SGCD: variants seen among roughly 807,000 people sequenced by gnomAD.
SGCD encodes delta-sarcoglycan.
Under a neutral mutation model 36.6 loss-of-function variants are expected in SGCD, and 18 were observed. The observed-to-expected ratio is 0.49, with a 90% CI of 0.34 to 0.73. The LOEUF (loss-of-function observed/expected upper bound fraction) is 0.73, where lower values mean the gene tolerates loss of function less well. Ranked by LOEUF, SGCD falls within the 30% of genes least tolerant of loss-of-function variation. The pLI is 0.01. For missense variants in SGCD, 387 were observed against 346.7 expected (o/e 1.12, Z -0.92); for synonymous variants, 133 against 130.6 (o/e 1.02, Z -0.12).
chr5:156,733,618 TATAGTA>T (rs1756194134), intron 7 of SGCD, among the ~76,000 whole-genome samples: 1 of 152,170 alleles, frequency 6.6e-6, no homozygotes, highest in Non-Finnish European at 1.5e-5. Flanking sequence ...CTCCCACTAA[TATAGTA>T]TAGGAGTCTG....
intron 3 of SGCD, among the ~76,000 whole-genome samples, chr5:156,265,422 T>G (rs1409299521): frequency 6.6e-6 from 1 of 152,074 alleles, no homozygotes; most frequent in Non-Finnish European, 1.5e-5. Flanking sequence ...TAAATGCAAT[T>G]GATCCTCATT....
intron 6 of SGCD, among the ~76,000 whole-genome samples, chr5:156,629,492 A>C (rs538351260): frequency 1.5e-4 from 23 of 152,248 alleles, no homozygotes; most frequent in Non-Finnish European, 2.6e-4. Context: ...AGAACATGTC[A>C]TCAGATGTAA....
intron 1 of SGCD, among the ~76,000 whole-genome samples, chr5:155,907,162 T>C (rs1306791154): frequency 6.6e-6 from 1 of 152,044 alleles, no homozygotes; most frequent in African/African-American, 2.4e-5. Flanking sequence ...TTTATCTGTT[T>C]ACAGCATGAT....
chr5:155,963,435 G>A (rs569950340), intron 1 of SGCD, among the ~76,000 whole-genome samples: 2 of 152,122 alleles, frequency 1.3e-5, no homozygotes, highest in South Asian at 2.1e-4. Context: ...CCATGTATGA[G>A]TCTCTCTCAG....
At chr5:156,048,479 C>T (rs1243292686) in intron 1 of SGCD, among the ~76,000 whole-genome samples, 1 of 152,216 alleles carries the variant, frequency 6.6e-6, no homozygotes, top group Non-Finnish European at 1.5e-5. Flanking sequence ...TCCTCTCCAG[C>T]ACCTGTTGTT....
chr5:155,894,955 G>T (rs1756214870), intron 1 of SGCD, among the ~76,000 whole-genome samples: 1 of 152,182 alleles, frequency 6.6e-6, no homozygotes, highest in Admixed American at 6.5e-5. Flanking sequence ...TGCCTTCTAT[G>T]AAACTGGTCC....
chr5:155,868,322 G>A (rs1755565574), upstream of SGCD, among the ~76,000 whole-genome samples: 1 of 151,070 alleles, frequency 6.6e-6, no homozygotes, highest in African/African-American at 2.4e-5. Context: ...AAAGTGCTGG[G>A]ATTACAGGCA....
At chr5:156,673,082 GCAAGGGGTTT>G (rs1753365174) in intron 7 of SGCD, among the ~76,000 whole-genome samples, 2 of 152,142 alleles carry the variant, frequency 1.3e-5, no homozygotes, top group Non-Finnish European at 2.9e-5. Context: ...GCCATTGTCT[GCAAGGGGTTT>G]CAAGTTAGAT....
chr5:156,624,474 G>C (rs941776100), intron 6 of SGCD, among the ~76,000 whole-genome samples: 3 of 152,052 alleles, frequency 2.0e-5, no homozygotes, highest in Non-Finnish European at 2.9e-5. Flanking sequence ...CCAGCTACTC[G>C]GGAGGCTGAA....
At chr5:156,355,337 G>A (rs994980777) in intron 3 of SGCD, among the ~76,000 whole-genome samples, 6 of 151,744 alleles carry the variant, frequency 4.0e-5, no homozygotes, top group African/African-American at 1.5e-4. Flanking sequence ...AATATAAAAA[G>A]GAGAAGAAAA....
chr5:156,525,438 T>C (rs1757605746), intron 4 of SGCD, among the ~76,000 whole-genome samples: 1 of 152,128 alleles, frequency 6.6e-6, no homozygotes, highest in Non-Finnish European at 1.5e-5. Flanking sequence ...TTTATGCTCT[T>C]GAGTTGCATG....
chr5:155,759,512 CA>C, the SGCD span, among the ~76,000 whole-genome samples: 1 of 152,164 alleles, frequency 6.6e-6, no homozygotes, highest in Non-Finnish European at 1.5e-5. Context: ...AGATTACAAG[CA>C]ATGACACTGT....
At chr5:156,667,743 A>G (rs1372530393) in intron 7 of SGCD, among the ~76,000 whole-genome samples, 1 of 152,226 alleles carries the variant, frequency 6.6e-6, no homozygotes, top group African/African-American at 2.4e-5. Flanking sequence ...CCTAGAACAC[A>G]GGACGAGTTC....
At chr5:156,192,857 GA>G (rs1261004591) in intron 3 of SGCD, among the ~76,000 whole-genome samples, 4 of 148,118 alleles carry the variant, frequency 2.7e-5, no homozygotes, top group Non-Finnish European at 6.0e-5. Flanking sequence ...ACTTCTGTAA[GA>G]AGCCAGGTGT....
the SGCD span, among the ~76,000 whole-genome samples, chr5:155,830,487 G>A: frequency 6.6e-6 from 1 of 152,144 alleles, no homozygotes; most frequent in Non-Finnish European, 1.5e-5. Context: ...CGAATTTTAG[G>A]GGGAGAGTGT....
At chr5:156,623,651 T>A (rs952021984) in intron 6 of SGCD, among the ~76,000 whole-genome samples, 6 of 152,350 alleles carry the variant, frequency 3.9e-5, no homozygotes, top group Middle Eastern at 3.4e-3. Flanking sequence ...TTTAAAGTAC[T>A]TGTATTATAT....
At chr5:155,805,200 G>C in the SGCD span, among the ~76,000 whole-genome samples, 2 of 152,188 alleles carry the variant, frequency 1.3e-5, no homozygotes, top group Non-Finnish European at 2.9e-5. Flanking sequence ...GGATAGAGGA[G>C]TAAGACTTGG....
rs183307830 is a variant in SGCD at position 156,082,393 on chromosome 5, C to A, written c.-281-35485C>A. Among the ~76,000 whole-genome samples, 4 of 152,220 alleles carry A rather than the reference C, an allele frequency of 2.6e-5. No individual in the cohort carries two copies. In the East Asian group the frequency reaches 5.8e-4, roughly 22 times the overall value. On this transcript the variant is annotated intron_variant, in intron 1 of 9. Transcript: ENST00000517913. ...GTTTCTGAGCCCCAGTGCCTCTCAG[C>A]CCCTTACCCTCTATACCTTACCACT...
At chr5:155,911,160 T>C in intron 1 of SGCD, among the ~76,000 whole-genome samples, 1 of 152,016 alleles carries the variant, frequency 6.6e-6, no homozygotes, top group Non-Finnish European at 1.5e-5. Flanking sequence ...AGTATCCAGG[T>C]TTTAAAATGT....
Sources: allele counts gnomAD v4.1 joint callset (sites outside exome capture counted in the v4.1 genomes callset), GRCh38; gene constraint gnomAD v4.1.1; transcripts MANE v1.5; gene names NCBI Gene and HGNC (gene_info 2026-07-23, HGNC 2026-07-21).